The following OCLN variants were observed in gnomAD, a reference collection of about 807,000 sequenced individuals.
OCLN encodes the protein occludin, also known as phosphatase 1, regulatory subunit 115.
OCLN carries 21 observed loss-of-function variants against 47.9 expected under a neutral mutation model. The observed-to-expected ratio is 0.44, with a 90% CI of 0.31 to 0.63. OCLN has a LOEUF of 0.63. Ranked by LOEUF, OCLN falls within the 30% of genes least tolerant of loss-of-function variation. OCLN has a pLI of 0.08. For synonymous variants in OCLN, 117 were observed against 198.4 expected, an observed-to-expected ratio of 0.59 and a Z score of 3.45; for missense variants, 360 against 571.0, an observed-to-expected ratio of 0.63 and a Z score of 3.77.
chr5:69,525,078 C>T (rs1326361615), intron 4 of OCLN, among the ~76,000 whole-genome samples: 1 of 151,936 alleles, frequency 6.6e-6, no homozygotes, highest in African/African-American at 2.4e-5. Flanking sequence ...TGGGATGCAG[C>T]GTTTGTGAGT....
At chr5:69,506,062 C>T (rs1172165186) in intron 2 of OCLN, among the ~76,000 whole-genome samples, 1 of 152,168 alleles carries the variant, frequency 6.6e-6, no homozygotes. Context: ...TCAGGATTCC[C>T]ACAGTTGTCT....
rs912132055 is a variant in OCLN, at chr5:69,557,608, TAAAC to T, written c.*3941_*3944del. On this transcript the variant is annotated 3_prime_UTR_variant, in exon 9 of 9. Transcript: ENST00000396442. ...TGGCATTCTAAATATTTGTACATGA[TAAAC>T]AAATGCTTCTTTAGGTTAGAGCAAA... 5.9e-5 allele frequency: 5 copies of T among 84,686 alleles called. 2 individuals carry two copies. Among genetic ancestry groups the T allele is most frequent in the Admixed American group, 2.4e-4 (2 of 8,300 alleles). The allele number at this position is 84,686 out of a possible 1,614,324, so 5.2% of individuals were successfully genotyped here.
intron 4 of OCLN, among the ~76,000 whole-genome samples, chr5:69,514,427 G>T (rs536649407): frequency 1.3e-5 from 2 of 152,016 alleles, no homozygotes; most frequent in African/African-American, 4.8e-5. Flanking sequence ...TTATTTTTCT[G>T]CTTATCATTT....
At chr5:69,537,189 C>CTT (rs1157355945) in intron 5 of OCLN, among the ~76,000 whole-genome samples, 979 of 80,572 alleles carry the variant, frequency 0.012, 50 homozygotes, top group East Asian at 0.027. Context: ...ATTCTATAAG[C>CTT]TTTTTTTTTT....
Position 69,555,328 on chromosome 5 carries a change from A to G in OCLN, c.*1657A>G, listed in dbSNP as rs1769951839. ...GAACAGGCTGGAGTGCAATGTCGCGATCTCAGCTCACCACAACCTCCGCCT... is the reference window on the plus strand; with the variant it reads ...GAACAGGCTGGAGTGCAATGTCGCGGTCTCAGCTCACCACAACCTCCGCCT... On this transcript the variant is annotated 3_prime_UTR_variant, in exon 9 of 9. Coordinates refer to ENST00000396442, the MANE Select transcript of OCLN (RefSeq NM_001205254.2). 7.5e-6 allele frequency: 1 copy of G among 133,554 alleles called. No individual in the cohort carries two copies. Among genetic ancestry groups the G allele is most frequent in the South Asian group, 2.4e-4 (1 of 4,088 alleles). The allele number at this position is 133,554 out of a possible 1,614,324, so 8.3% of individuals were successfully genotyped here.
At chr5:69,522,215 C>G (rs1769157123) in intron 4 of OCLN, among the ~76,000 whole-genome samples, 1 of 152,260 alleles carries the variant, frequency 6.6e-6, no homozygotes, top group African/African-American at 2.4e-5. Context: ...TTTTACACCC[C>G]CTTCAAGGTT....
intron 4 of OCLN, among the ~76,000 whole-genome samples, chr5:69,521,457 A>G (rs903794062): frequency 6.6e-6 from 1 of 152,156 alleles, no homozygotes; most frequent in Non-Finnish European, 1.5e-5. Flanking sequence ...AGAACTAGTC[A>G]TTGAGTGTGC....
At chr5:69,508,058 A>T (rs1168974600) in intron 2 of OCLN, among the ~76,000 whole-genome samples, 1 of 151,462 alleles carries the variant, frequency 6.6e-6, no homozygotes, top group East Asian at 1.9e-4. Flanking sequence ...GCATTTTTAA[A>T]TTTTTTTGCC....
chr5:69,503,297 C>T (rs1484756200), intron 1 of OCLN, among the ~76,000 whole-genome samples: 6 of 152,212 alleles, frequency 3.9e-5, no homozygotes, highest in East Asian at 1.9e-4. Flanking sequence ...CCGAGAATCA[C>T]GAACTGGCTC....
intron 1 of OCLN, among the ~76,000 whole-genome samples, chr5:69,497,412 A>G (rs1330854593): frequency 1.7e-5 from 2 of 115,452 alleles, no homozygotes; most frequent in Non-Finnish European, 1.7e-5. Flanking sequence ...TTTTTGAGCC[A>G]GAGTCTCACT....
At chr5:69,498,771 C>T (rs1453129999) in intron 1 of OCLN, among the ~76,000 whole-genome samples, 1 of 152,026 alleles carries the variant, frequency 6.6e-6, no homozygotes, top group African/African-American at 2.4e-5. Context: ...ACTCTGCCTC[C>T]TGGGCTCAAG....
At chr5:69,529,833 C>G (rs1347080270) in intron 4 of OCLN, among the ~76,000 whole-genome samples, 1 of 152,104 alleles carries the variant, frequency 6.6e-6, no homozygotes, top group African/African-American at 2.4e-5. Context: ...GAACTCCCGA[C>G]TTCAGGTGAT....
chr5:69,522,504 A>G (rs1293518352), intron 4 of OCLN, among the ~76,000 whole-genome samples: 4 of 152,180 alleles, frequency 2.6e-5, no homozygotes, highest in Non-Finnish European at 5.9e-5. Flanking sequence ...GTCATCACCC[A>G]TTAAAAATTT....
intron 4 of OCLN, among the ~76,000 whole-genome samples, chr5:69,517,000 C>T (rs1179890898): frequency 6.6e-6 from 1 of 152,128 alleles, no homozygotes; most frequent in African/African-American, 2.4e-5. Context: ...GTTGAAGCTG[C>T]AGTGAGCTGT....
chr5:69,524,283 TCCCA>T (rs1769219742), intron 4 of OCLN, among the ~76,000 whole-genome samples: 1 of 152,240 alleles, frequency 6.6e-6, no homozygotes, highest in Non-Finnish European at 1.5e-5. Flanking sequence ...AGATCTACCA[TCCCA>T]CCTAATAATT....
chr5:69,492,699 C>G (rs531959018), upstream of OCLN: 4 of 152,782 alleles, frequency 2.6e-5, no homozygotes, highest in East Asian at 1.9e-4. Flanking sequence ...TCCCGCACCC[C>G]CTTCCACGTT....
intron 4 of OCLN, among the ~76,000 whole-genome samples, chr5:69,526,938 G>A (rs1217516647): frequency 6.6e-6 from 1 of 152,182 alleles, no homozygotes; most frequent in African/African-American, 2.4e-5. Flanking sequence ...CTTTGGGGTG[G>A]AGACTTAACA....
intron 1 of OCLN, among the ~76,000 whole-genome samples, chr5:69,494,310 C>G (rs1318774112): frequency 6.6e-6 from 1 of 152,130 alleles, no homozygotes; most frequent in Admixed American, 6.5e-5. Context: ...GCTCAGCCTC[C>G]CGAATAGCTG....
rs752635373 is a variant in OCLN at position 69,509,408 on chromosome 5, T to C, written c.318T>C (p.Tyr106=). Reference sequence around the variant, plus strand: ...TAGGAGGTAGTGTAGGCTACCCTTATGGAGGAAGTGGCTTTGGTAGCTACG... The same window carrying C: ...TAGGAGGTAGTGTAGGCTACCCTTACGGAGGAAGTGGCTTTGGTAGCTACG... ...SLLGGSVGYP[Y]GGSGFGSYGS... Residue 106 remains tyrosine, a synonymous_variant, in exon 3 of 9, where the codon TAT becomes TAC. Transcript: ENST00000396442. 6.2e-7 allele frequency: 1 copy of C among 1,614,194 alleles called. No individual in the cohort carries two copies. The highest frequency in any genetic ancestry group is 8.5e-7 in the Non-Finnish European group (1 of 1,180,030).
Sources: allele counts gnomAD v4.1 joint callset (sites outside exome capture counted in the v4.1 genomes callset), GRCh38; gene constraint gnomAD v4.1.1; transcripts MANE v1.5; gene names NCBI Gene and HGNC (gene_info 2026-07-23, HGNC 2026-07-21).